VBP1: variants seen among roughly 807,000 people sequenced by gnomAD.
The protein encoded by VBP1 is VHL binding protein 1, also known as prefoldin subunit 3.
VBP1 carries 4 observed loss-of-function variants against 15.5 expected under a neutral mutation model. The ratio of observed to expected loss-of-function variants is 0.26; its 90% confidence interval spans 0.13 to 0.59. VBP1 has a LOEUF of 0.59. Ranked by LOEUF, VBP1 falls within the 20% of genes least tolerant of loss-of-function variation. VBP1 has a pLI of 0.90. For missense variants in VBP1, 108 were observed against 139.6 expected (o/e 0.77, Z 1.14); for synonymous variants, 61 against 52.1 (o/e 1.17, Z -0.74).
chrX:155,233,963 C>T (rs911931150), intron 4 of VBP1, among the ~76,000 whole-genome samples: 1 of 110,545 alleles, frequency 9.0e-6, no homozygotes, highest in Admixed American at 9.6e-5. Context: ...AGGGTTCAAC[C>T]GGAGAAATAG....
At chrX:155,213,679 T>C (rs2074652241), upstream of VBP1, 1 of 112,447 alleles carries the variant, frequency 8.9e-6, no homozygotes, top group Admixed American at 9.4e-5. Flanking sequence ...AGAGCTGGCT[T>C]GTACCAGCTT....
At chrX:155,237,899 G>T (rs1201374153) in intron 5 of VBP1, among the ~76,000 whole-genome samples, 2 of 111,672 alleles carry the variant, frequency 1.8e-5, no homozygotes, top group African/African-American at 6.5e-5. Context: ...TGCAGCATGT[G>T]GCAGTTGTTT....
intron 1 of VBP1, among the ~76,000 whole-genome samples, chrX:155,207,750 C>T (rs1569560877): frequency 1.8e-5 from 2 of 111,640 alleles, no homozygotes; most frequent in Non-Finnish European, 3.8e-5. Context: ...GTTAACCTTC[C>T]TCTTATTCAG....
At chrX:155,220,120 C>A in intron 1 of VBP1, 63 bp from the exon 2 acceptor site, 1 of 1,053,113 alleles carries the variant, frequency 9.5e-7, no homozygotes, top group Non-Finnish European at 1.3e-6. Flanking sequence ...AAAAACAAAG[C>A]AGTCAAAAAA....
At chrX:155,209,489 G>A (rs1446903273) in intron 2 of VBP1, among the ~76,000 whole-genome samples, 2 of 112,541 alleles carry the variant, frequency 1.8e-5, no homozygotes, top group African/African-American at 6.4e-5. Flanking sequence ...AAGCTTTCAA[G>A]TACTGAATGA....
chrX:155,216,568 T>G lies in VBP1; in HGVS notation c.86T>G (p.Val29Gly). ...CTCCACCTGGGGATTCCTGAGGCCGTGTTTGTGGTAAGAGGCACGCTGTTC... is the reference window on the plus strand; with the variant it reads ...CTCCACCTGGGGATTCCTGAGGCCGGGTTTGTGGTAAGAGGCACGCTGTTC... ...RRLHLGIPEA[V>G]FVEDVDSFMK... is the part of the protein sequence containing the mutation. Residue 29 changes from valine to glycine, a missense_variant, in exon 1 of 6, where the codon GTG (valine) becomes GGG (glycine). By Grantham distance (109) the Val-to-Gly change is moderately radical. Transcript: ENST00000286428. 3.4e-6 allele frequency: 4 copies of G among 1,167,504 alleles called. No homozygotes were observed. Among genetic ancestry groups the G allele is most frequent in the Non-Finnish European group, 4.6e-6 (4 of 872,951 alleles).
chrX:155,218,315 C>T (rs190586194), intron 1 of VBP1, among the ~76,000 whole-genome samples: 72 of 111,891 alleles, frequency 6.4e-4, no homozygotes, highest in African/African-American at 2.3e-3. Context: ...TTCCCAGTTG[C>T]TGCTTAACCT....
intron 1 of VBP1, among the ~76,000 whole-genome samples, chrX:155,208,468 A>C (rs1195069336): frequency 1.8e-5 from 2 of 112,363 alleles, no homozygotes; most frequent in African/African-American, 3.2e-5. Flanking sequence ...ATTTCATGAA[A>C]GATACATACA....
At chrX:155,227,130 T>C (rs1160653268) in intron 2 of VBP1, 105 bp from the exon 3 acceptor site, 1 of 408,059 alleles carries the variant, frequency 2.5e-6, no homozygotes, top group Admixed American at 4.8e-5. Flanking sequence ...TATCTATAAA[T>C]AGTCCTCAAG....
chrX:155,230,291 A>G (rs1394360526), intron 4 of VBP1, among the ~76,000 whole-genome samples: 2 of 111,696 alleles, frequency 1.8e-5, no homozygotes, highest in Non-Finnish European at 3.8e-5. Context: ...CTTTTGAAAG[A>G]CCTTATCTCC....
chrX:155,212,865 C>T (rs2124054864), upstream of VBP1: 1 of 111,809 alleles, frequency 8.9e-6, no homozygotes, highest in Non-Finnish European at 1.9e-5. Context: ...ACATCAGTCC[C>T]AGGAAAAAGG....
chrX:155,199,833 G>C (rs1371191323), intron 1 of VBP1, among the ~76,000 whole-genome samples: 1 of 112,448 alleles, frequency 8.9e-6, no homozygotes, highest in Admixed American at 9.4e-5. Context: ...AAAGAGTCAA[G>C]ACCCATCAGT....
At chrX:155,223,848 G>A (rs185581366) in intron 2 of VBP1, among the ~76,000 whole-genome samples, 10,674 of 108,869 alleles carry the variant, frequency 0.098, 538 homozygotes, top group Non-Finnish European at 0.14. Context: ...TGCCGGACGG[G>A]GCGGCTGCCA....
intron 1 of VBP1, among the ~76,000 whole-genome samples, chrX:155,201,230 A>G (rs782624289): frequency 2.2e-4 from 22 of 100,459 alleles, no homozygotes; most frequent in Admixed American, 5.3e-4. Context: ...AATCAATAGA[A>G]AAAGAAGGAA....
chrX:155,207,430 G>A (rs952730954), intron 1 of VBP1, among the ~76,000 whole-genome samples: 9 of 111,888 alleles, frequency 8.0e-5, no homozygotes, highest in Non-Finnish European at 1.9e-5. Flanking sequence ...TAGCATCACA[G>A]AAGTAGACCA....
chrX:155,198,651 G>A (rs1266057463), intron 1 of VBP1, among the ~76,000 whole-genome samples: 1 of 110,738 alleles, frequency 9.0e-6, no homozygotes, highest in Non-Finnish European at 1.9e-5. Flanking sequence ...AAACCACAAA[G>A]ATGGGGAAAA....
intron 4 of VBP1, among the ~76,000 whole-genome samples, chrX:155,230,993 T>C (rs1279813874): frequency 8.9e-6 from 1 of 112,287 alleles, no homozygotes; most frequent in South Asian, 3.7e-4. Flanking sequence ...GTTCTTCTCT[T>C]ACTTCCTCGC....
chrX:155,198,464 T>C (rs1357752907), intron 1 of VBP1, among the ~76,000 whole-genome samples: 2 of 111,866 alleles, frequency 1.8e-5, no homozygotes, highest in Non-Finnish European at 1.9e-5. Context: ...AAATCCGCTG[T>C]TCTGCAGCCA....
chrX:155,201,490 A>G (rs1464708879), intron 1 of VBP1, among the ~76,000 whole-genome samples: 3 of 90,405 alleles, frequency 3.3e-5, no homozygotes, highest in Admixed American at 1.2e-4. Flanking sequence ...CAGCATATAA[A>G]CAGAACCAAA....
Sources: allele counts gnomAD v4.1 joint callset (sites outside exome capture counted in the v4.1 genomes callset), GRCh38; gene constraint gnomAD v4.1.1; transcripts MANE v1.5; gene names NCBI Gene and HGNC (gene_info 2026-07-23, HGNC 2026-07-21).